Variants in ZNF880 observed in about 807,000 individuals in gnomAD.
ZNF880 encodes the protein zinc finger protein 880, also known as zinc finger protein LOC400713.
A neutral mutation model predicts 11.8 loss-of-function variants in ZNF880; 12 were observed. The observed-to-expected ratio is 1.02, with a 90% confidence interval of 0.65 to 1.65. The LOEUF is 1.65. Ranked by LOEUF, ZNF880 falls within the 40% of genes most tolerant of loss-of-function variation. ZNF880 has a pLI of 0.00. For missense variants in ZNF880, 601 were observed against 673.9 expected (o/e 0.89, Z 1.20); for synonymous variants, 210 against 232.4 (o/e 0.90, Z 0.88).
At chr19:52,388,934 T>C (rs1261843438), downstream of ZNF880, 1 of 152,208 alleles carries the variant, frequency 6.6e-6, no homozygotes, top group Non-Finnish European at 1.5e-5. Context: ...CAAACACATG[T>C]CTTACGTGGT....
upstream of ZNF880, chr19:52,367,790 C>T (rs1160587183): frequency 1.3e-5 from 2 of 152,126 alleles, no homozygotes; most frequent in East Asian, 3.9e-4. Flanking sequence ...TGTGTTTCTA[C>T]ATGCCTCTTT....
chr19:52,377,934 C>T (rs1217408176), intron 3 of ZNF880, among the ~76,000 whole-genome samples: 1 of 152,182 alleles, frequency 6.6e-6, no homozygotes, highest in Non-Finnish European at 1.5e-5. Context: ...CAATCTCCGC[C>T]TCCTGGTTCA....
rs143869886 is a variant in ZNF880, at chr19:52,369,938, C to T, written c.-28C>T. 3.5e-4 allele frequency: 547 copies of T among 1,551,578 alleles called. 4 individuals are homozygous for T. The African/African-American group carries it at 6.7e-3, about 19-fold the overall frequency. On this transcript the variant is annotated 5_prime_UTR_variant, in exon 1 of 4. Coordinates refer to ENST00000422689, the MANE Select transcript of ZNF880 (RefSeq NM_001145434.2). ...CTGCGCGCGCAGTTTCCTGGAGACC[C>T]GGAAGCAGATTACGTGGAGTGACGG...
Position 52,379,458 on chromosome 19 carries a change from C to T in ZNF880, c.269-4391C>T, listed in dbSNP as rs1038122071. The T allele has an allele frequency of 4.1e-5, 18 of 444,030 alleles. No individual in the cohort carries two copies. The East Asian group carries it at 6.6e-4, about 16-fold the overall frequency. The allele number at this position is 444,030 out of a possible 1,614,324, so 27.5% of individuals were successfully genotyped here. ...TCACCCAGGCTGGAGTGCAATGCCG[C>T]GATCTCGGCTCACTGCAACCTTCGC... On this transcript the variant is annotated intron_variant, in intron 3 of 3. Coordinates refer to ENST00000422689, the MANE Select transcript of ZNF880 (RefSeq NM_001145434.2).
At chr19:52,386,067 C>T (rs184565158), downstream of ZNF880, among the ~76,000 whole-genome samples, 47 of 137,150 alleles carry the variant, frequency 3.4e-4, 5 homozygotes, top group African/African-American at 1.1e-3. Context: ...CCCAGCTACT[C>T]GGGAGGCTGA....
At chr19:52,372,823 T>C (rs1986420793) in intron 1 of ZNF880, among the ~76,000 whole-genome samples, 1 of 140,578 alleles carries the variant, frequency 7.1e-6, no homozygotes, top group African/African-American at 2.7e-5. Context: ...GGCAGGAGAA[T>C]GGCGTGAACC....
intron 1 of ZNF880, 70 bp downstream of exon 1, chr19:52,370,047 A>AG: frequency 1.3e-6 from 2 of 1,538,772 alleles, no homozygotes; most frequent in South Asian, 1.2e-5. Flanking sequence ...CCGGCATCTC[A>AG]GGGGTCACAC....
chr19:52,388,663 C>T (rs975235620), downstream of ZNF880, among the ~76,000 whole-genome samples: 4 of 152,006 alleles, frequency 2.6e-5, no homozygotes, highest in Non-Finnish European at 5.9e-5. Context: ...TGATGCCATA[C>T]ACTGATATGG....
chr19:52,393,123 A>C, the ZNF880 span, among the ~76,000 whole-genome samples: 1 of 147,806 alleles, frequency 6.8e-6, no homozygotes, highest in Admixed American at 6.9e-5. Context: ...CCCAGGCTGG[A>C]GTACAGTGGC....
At chr19:52,372,872 T>C (rs1470038306) in intron 1 of ZNF880, among the ~76,000 whole-genome samples, 1 of 132,984 alleles carries the variant, frequency 7.5e-6, no homozygotes, top group Non-Finnish European at 1.5e-5. Context: ...ATCGCGCCAC[T>C]GCACTCCAGC....
At position 52,369,950 on chromosome 19, in the gene ZNF880, A is replaced by G. The variant is rs945505076; in HGVS notation, c.-16A>G. The G allele has an allele frequency of 3.9e-6, 6 of 1,551,630 alleles. No individual in the cohort carries two copies. The highest frequency in any genetic ancestry group is 1.2e-5 in the South Asian group (1 of 84,058). ...TTTCCTGGAGACCCGGAAGCAGATT[A>G]CGTGGAGTGACGGTCATGCTGCGGC... On this transcript the variant is annotated 5_prime_UTR_variant, in exon 1 of 4. Transcript: ENST00000422689.
Position 52,384,827 on chromosome 19 carries a change from C to A in ZNF880, c.1247C>A (p.Ala416Glu), listed in dbSNP as rs796388383. Residue 416 changes from alanine to glutamate, a missense_variant, in exon 4 of 4, where the codon GCA becomes GAA. Physicochemically the swap from Ala to Glu is moderately radical, Grantham distance 107. Transcript: ENST00000422689. The stretch of plus-strand genomic sequence containing the variant: ...TACAAATGTAATGAATGTGGCAAAG[C>A]ATTTAGAGACTGTTCAGGCCTTACT... The part of the protein sequence containing the change: ...QPYKCNECGK[A>E]FRDCSGLTAH... 1 of 1,602,862 alleles carries A rather than the reference C, an allele frequency of 6.2e-7. No individual in the cohort carries two copies. The highest frequency in any genetic ancestry group is 8.5e-7 in the Non-Finnish European group (1 of 1,172,496).
downstream of ZNF880, among the ~76,000 whole-genome samples, chr19:52,388,028 C>T (rs558879398): frequency 5.0e-5 from 7 of 138,972 alleles, no homozygotes; most frequent in Admixed American, 2.1e-4. Context: ...TACAGGCGCG[C>T]ACCACCACGC....
the ZNF880 span, chr19:52,395,618 T>G: frequency 6.6e-6 from 1 of 152,140 alleles, no homozygotes; most frequent in East Asian, 1.9e-4. Flanking sequence ...TGCATTCTGC[T>G]CCCCAAGGCT....
At chr19:52,369,887 G>C, upstream of ZNF880, 1 of 1,542,122 alleles carries the variant, frequency 6.5e-7, no homozygotes, top group East Asian at 2.4e-5. Flanking sequence ...AATCCCACCC[G>C]GGCCTGGCCT....
intron 3 of ZNF880, among the ~76,000 whole-genome samples, chr19:52,380,648 T>C (rs972507527): frequency 3.3e-5 from 5 of 152,218 alleles, no homozygotes; most frequent in East Asian, 1.9e-4. Context: ...ATCATTGTCT[T>C]GTAGTGCGTT....
At chr19:52,381,257 G>A (rs1342290619) in intron 3 of ZNF880, among the ~76,000 whole-genome samples, 2 of 152,104 alleles carry the variant, frequency 1.3e-5, no homozygotes, top group African/African-American at 4.8e-5. Context: ...GCCTCATTCT[G>A]TACTTAGGAG....
rs761903256 is a variant in ZNF880 at position 52,385,612 on chromosome 19, T to C, written c.*298T>C. On this transcript the variant is annotated 3_prime_UTR_variant, in exon 4 of 4. Transcript: ENST00000422689. Reference sequence around the variant, plus strand: ...CATTACTATGGAACATGATAAGATTTACACAAGCGATAATTCAGTCTCTAG... The same window carrying C: ...CATTACTATGGAACATGATAAGATTCACACAAGCGATAATTCAGTCTCTAG... 5 of 255,698 alleles carry C rather than the reference T, an allele frequency of 2.0e-5. No individual in the cohort carries two copies. Among genetic ancestry groups the C allele is most frequent in the Non-Finnish European group, 3.5e-5 (5 of 143,684 alleles). 15.8% of individuals were successfully genotyped at this position (255,698 alleles called of 1,614,324 possible).
At chr19:52,371,844 G>A (rs1171818469) in intron 1 of ZNF880, among the ~76,000 whole-genome samples, 1 of 152,040 alleles carries the variant, frequency 6.6e-6, no homozygotes, top group African/African-American at 2.4e-5. Flanking sequence ...TGTTATAGCC[G>A]TTAGTACATG....
Sources: gnomAD v4.1 joint callset for allele counts (sites outside exome capture counted in the v4.1 genomes callset) on GRCh38, gnomAD v4.1.1 for gene constraint, MANE v1.5 for transcripts, NCBI Gene and HGNC (gene_info 2026-07-23, HGNC 2026-07-21) for gene names.